ANTXR2: variants seen among roughly 807,000 people sequenced by gnomAD.
The protein encoded by ANTXR2 is ANTXR cell adhesion molecule 2.
A neutral mutation model predicts 73.7 loss-of-function variants in ANTXR2; 44 were observed. That is an observed-to-expected ratio of 0.60 (90% CI 0.47 to 0.77). The LOEUF (loss-of-function observed/expected upper bound fraction) is 0.77, where lower values mean the gene tolerates loss of function less well. Among genes scored for constraint, ANTXR2 ranks in the 30% least tolerant of loss-of-function variants. The pLI, the probability that ANTXR2 is intolerant of heterozygous loss-of-function variation, is 0.00. For missense variants in ANTXR2, 604 were observed against 592.5 expected (o/e 1.02, Z -0.20); for synonymous variants, 217 against 205.9 (o/e 1.05, Z -0.46).
chr4:80,062,329 C>A (rs895181426), intron 3 of ANTXR2, among the ~76,000 whole-genome samples: 8 of 152,194 alleles, frequency 5.3e-5, no homozygotes, highest in African/African-American at 1.9e-4. Flanking sequence ...CTGCGTTTTG[C>A]ATACTTTTAC....
In ANTXR2 at chr4:80,072,477, C is replaced by A; in HGVS notation, c.84G>T (p.Gly28=). Residue 28 remains glycine (G), a synonymous_variant, in exon 1 of 17, where the codon GGG becomes GGT. Coordinates refer to ENST00000403729, the MANE Select transcript of ANTXR2 (RefSeq NM_058172.6). ...GLWLLVLSGP[G]GLLRAQEQPS... ...GCTGCTCCTGGGCGCGCAGCAGCCC[C>A]CCGGGACCGCTGAGCACCAACAGCC... 1.2e-6 allele frequency: 2 copies of A among 1,610,510 alleles called. No homozygotes were observed. The highest frequency in any genetic ancestry group is 1.7e-6 in the Non-Finnish European group (2 of 1,178,632).
intron 16 of ANTXR2, among the ~76,000 whole-genome samples, chr4:79,924,312 G>GT (rs1727699334): frequency 6.6e-6 from 1 of 151,982 alleles, no homozygotes; most frequent in African/African-American, 2.4e-5. Context: ...ATTTTAAAAG[G>GT]TTAAAAACAT....
At chr4:80,002,059 CT>C (rs1731069647) in intron 12 of ANTXR2, among the ~76,000 whole-genome samples, 1 of 152,096 alleles carries the variant, frequency 6.6e-6, no homozygotes. Context: ...GAAAAAACTA[CT>C]TTAAAGTTCG....
chr4:79,915,372 G>A (rs772574625), intron 16 of ANTXR2, among the ~76,000 whole-genome samples: 1 of 152,028 alleles, frequency 6.6e-6, no homozygotes, highest in African/African-American at 2.4e-5. Context: ...CCCATCTCTT[G>A]AGCATTAAAA....
intron 16 of ANTXR2, among the ~76,000 whole-genome samples, chr4:79,963,744 A>C (rs1729238779): frequency 6.6e-6 from 1 of 152,182 alleles, no homozygotes; most frequent in South Asian, 2.1e-4. Flanking sequence ...TATCAGGATA[A>C]TATTGTAACC....
intron 3 of ANTXR2, among the ~76,000 whole-genome samples, chr4:80,064,422 C>T (rs1432071525): frequency 1.8e-4 from 28 of 152,274 alleles, no homozygotes; most frequent in Non-Finnish European, 2.9e-5. Context: ...ACTCATTCAA[C>T]AAATATTTAT....
intron 10 of ANTXR2, 95 bp downstream of exon 10, chr4:80,031,528 A>G: frequency 9.6e-7 from 1 of 1,036,344 alleles, no homozygotes; most frequent in South Asian, 1.8e-5. Context: ...TGTATATCAA[A>G]AAAAGATAGA....
intron 12 of ANTXR2, among the ~76,000 whole-genome samples, chr4:79,989,704 C>T (rs760757519): frequency 3.9e-5 from 6 of 152,050 alleles, no homozygotes; most frequent in Non-Finnish European, 8.8e-5. Flanking sequence ...GGCCAATATG[C>T]CTGATGAACA....
chr4:80,041,432 A>C (rs1443275443), intron 7 of ANTXR2, among the ~76,000 whole-genome samples: 2 of 151,716 alleles, frequency 1.3e-5, no homozygotes, highest in Non-Finnish European at 2.9e-5. Flanking sequence ...ATTTGTTAGG[A>C]TCTTCTTTCC....
chr4:79,910,858 GAAGAATC>G (rs1448461642), intron 16 of ANTXR2, among the ~76,000 whole-genome samples: 1 of 152,138 alleles, frequency 6.6e-6, no homozygotes, highest in African/African-American at 2.4e-5. Flanking sequence ...AGGTAAGAAA[GAAGAATC>G]AAGAAAAATG....
chr4:80,072,848 T>G lies in ANTXR2; in HGVS notation c.-288A>C. ...CCCCCTCCCGATTCCGGAGAGTTCCTGCAGACAATGCGGGCCCACGGCGAC... is the reference window on the plus strand; with the variant it reads ...CCCCCTCCCGATTCCGGAGAGTTCCGGCAGACAATGCGGGCCCACGGCGAC... On this transcript the variant is annotated 5_prime_UTR_variant, in exon 1 of 17. Coordinates refer to ENST00000403729, the MANE Select transcript of ANTXR2 (RefSeq NM_058172.6). The G allele has an allele frequency of 1.8e-6, 1 of 562,262 alleles. No homozygotes were observed. Among genetic ancestry groups the G allele is most frequent in the Non-Finnish European group, 2.6e-6 (1 of 389,558 alleles). 34.8% of individuals were successfully genotyped at this position (562,262 alleles called of 1,614,324 possible).
intron 10 of ANTXR2, among the ~76,000 whole-genome samples, chr4:80,021,149 C>CAAA (rs35390197): frequency 0.024 from 1,464 of 60,180 alleles, 90 homozygotes; most frequent in Admixed American, 0.061. Flanking sequence ...GACTCCATCT[C>CAAA]AAAAAAAAAA....
At chr4:80,036,086 T>A in intron 7 of ANTXR2, 54 bp from the exon 8 acceptor site, 1 of 1,361,462 alleles carries the variant, frequency 7.3e-7, no homozygotes, top group South Asian at 1.4e-5. Context: ...AATTACAATG[T>A]GAAGTAAATT....
intron 14 of ANTXR2, among the ~76,000 whole-genome samples, chr4:79,978,919 A>G (rs1729763378): frequency 6.6e-6 from 1 of 152,192 alleles, no homozygotes; most frequent in Admixed American, 6.5e-5. Flanking sequence ...CTTTACTTTT[A>G]TAGTTCTAAG....
chr4:80,036,555 G>A (rs1041273663), intron 7 of ANTXR2, among the ~76,000 whole-genome samples: 14 of 152,134 alleles, frequency 9.2e-5, no homozygotes, highest in East Asian at 3.9e-4. Context: ...AATCGCAGCC[G>A]TTTGGGAGGC....
intron 16 of ANTXR2, among the ~76,000 whole-genome samples, chr4:79,947,449 A>T (rs1728557102): frequency 1.3e-5 from 2 of 152,060 alleles, no homozygotes; most frequent in South Asian, 4.1e-4. Context: ...AGACAAACTC[A>T]TAGTGTTAAA....
chr4:80,008,650 A>G (rs770605869), intron 11 of ANTXR2, 34 bp from the exon 12 acceptor site: 20 of 1,414,486 alleles, frequency 1.4e-5, no homozygotes, highest in Middle Eastern at 3.7e-4. Flanking sequence ...CAAAGCAGTC[A>G]GCACAGCTTA....
Position 80,018,976 on chromosome 4 carries a change from T to C in ANTXR2, c.867A>G (p.Glu289=), listed in dbSNP as rs564472157. The part of the protein sequence containing the change: ...CPAPILNKAG[E]TLDVSVSFNG... Reference sequence around the variant, plus strand: ...TAAAGCTCACTGAAACATCAAGAGTTCTGAAAAAGAAAAGAAACAATAATT... The same window carrying C: ...TAAAGCTCACTGAAACATCAAGAGTCCTGAAAAAGAAAAGAAACAATAATT... The change falls in exon 11 of 17, where the codon GAA becomes GAG. Residue 289 remains glutamate, a splice_region_variant and synonymous_variant. Coordinates refer to ENST00000403729, the MANE Select transcript of ANTXR2 (RefSeq NM_058172.6). 3 of 1,473,898 alleles carry C rather than the reference T, an allele frequency of 2.0e-6. No individual in the cohort carries two copies. In the African/African-American group the frequency reaches 4.4e-5, roughly 22 times the overall value. 91.3% of individuals were successfully genotyped at this position (1,473,898 alleles called of 1,614,324 possible).
chr4:79,943,727 G>C (rs1273924714), intron 16 of ANTXR2, among the ~76,000 whole-genome samples: 2 of 138,510 alleles, frequency 1.4e-5, no homozygotes. Context: ...CTAAAACTTA[G>C]AGTATAATAA....
Sources: allele counts gnomAD v4.1 joint callset (sites outside exome capture counted in the v4.1 genomes callset), GRCh38; gene constraint gnomAD v4.1.1; transcripts MANE v1.5; gene names NCBI Gene and HGNC (gene_info 2026-07-23, HGNC 2026-07-21).